The following WIPF1 variants were observed in gnomAD, a reference collection of about 807,000 sequenced individuals.
The protein encoded by WIPF1 is WAS/WASL interacting protein family member 1.
WIPF1 carries 13 observed loss-of-function variants against 35.4 expected under a neutral mutation model. That is an observed-to-expected ratio of 0.37 (90% CI 0.24 to 0.58). The LOEUF is 0.58. WIPF1 is among the 20% of genes least tolerant of loss of function. WIPF1 has a pLI of 0.74. For missense variants in WIPF1, 591 were observed against 667.0 expected, an observed-to-expected ratio of 0.89 and a Z score of 1.25; for synonymous variants, 267 against 266.3, an observed-to-expected ratio of 1.00 and a Z score of -0.02.
intron 1 of WIPF1, among the ~76,000 whole-genome samples, chr2:174,587,258 C>T (rs1685454781): frequency 6.6e-6 from 1 of 152,160 alleles, no homozygotes; most frequent in Admixed American, 6.6e-5. Context: ...CTCATGCGAT[C>T]CTCCTGCCTT....
chr2:174,579,050 G>A (rs571384881), intron 3 of WIPF1, among the ~76,000 whole-genome samples: 38 of 152,072 alleles, frequency 2.5e-4, no homozygotes, highest in African/African-American at 8.0e-4. Context: ...GGAGTTTCAC[G>A]CTTGTTGCCC....
chr2:174,634,642 C>A (rs139410697), intron 1 of WIPF1: 1 of 152,234 alleles, frequency 6.6e-6, no homozygotes, highest in Non-Finnish European at 1.5e-5. Context: ...TGACTCGCCT[C>A]CCTAACCGGT....
intron 1 of WIPF1, among the ~76,000 whole-genome samples, chr2:174,588,816 G>A (rs908021239): frequency 1.3e-5 from 2 of 152,168 alleles, no homozygotes; most frequent in African/African-American, 4.8e-5. Context: ...GTGGGGAGAG[G>A]GTCTACGGGT....
chr2:174,646,663 C>T (rs537481531), intron 1 of WIPF1, among the ~76,000 whole-genome samples: 8 of 152,276 alleles, frequency 5.3e-5, no homozygotes, highest in African/African-American at 1.7e-4. Context: ...CTCATTCTGT[C>T]GCCCAGGCTG....
intron 1 of WIPF1, among the ~76,000 whole-genome samples, chr2:174,655,168 AC>A (rs141429725): frequency 0.025 from 3,752 of 150,538 alleles, 145 homozygotes; most frequent in African/African-American, 0.082. Flanking sequence ...CCTCGTATTC[AC>A]CCCCATAATC....
chr2:174,565,623 T>C (rs994396844), intron 7 of WIPF1, among the ~76,000 whole-genome samples: 3 of 152,190 alleles, frequency 2.0e-5, no homozygotes, highest in Admixed American at 6.5e-5. Context: ...TAATCTCCTA[T>C]AAGGTTTGGA....
At chr2:174,597,543 A>G (rs1351008759) in intron 1 of WIPF1, 58 bp downstream of exon 1, 3 of 152,544 alleles carry the variant, frequency 2.0e-5, no homozygotes, top group Non-Finnish European at 4.4e-5. Flanking sequence ...AAAGCCATTT[A>G]GTTCTTCCCT....
rs995343125 is a variant in WIPF1, at chr2:174,560,605, C to T, written c.*1942G>A. 2.6e-5 allele frequency: 4 copies of T among 152,620 alleles called. No homozygotes were observed. Among genetic ancestry groups the T allele is most frequent in the Non-Finnish European group, 4.4e-5 (3 of 67,996 alleles). The allele number at this position is 152,620 out of a possible 1,614,324, so 9.5% of individuals were successfully genotyped here. On this transcript the variant is annotated 3_prime_UTR_variant, in exon 8 of 8. Transcript: ENST00000679041. The stretch of plus-strand genomic sequence containing the variant: ...TTTTTTTAAAAAGCCAACACTTTGC[C>T]AAGCTTGTTATACCTTATTATTTCT...
rs535614397 is a variant in WIPF1 at position 174,675,335 on chromosome 2, C to T, written c.-39+7439G>A. ...TTTTGTAATCTGAATAAATTTACAA[C>T]TACAATGTAATTTTTATTTTTATCT... On this transcript the variant is annotated intron_variant, in intron 1 of 8. Transcript: ENST00000272746. Among the ~76,000 whole-genome samples the T allele has an allele frequency of 2.0e-5, 3 of 152,106 alleles. No individual in the cohort carries two copies. In the South Asian group the frequency reaches 6.2e-4, roughly 32 times the overall value.
At chr2:174,595,109 A>AAAAAATATAT (rs1553529785) in intron 1 of WIPF1, among the ~76,000 whole-genome samples, 12 of 57,748 alleles carry the variant, frequency 2.1e-4, no homozygotes, top group Admixed American at 5.6e-4. Context: ...AAAAAAAAAA[A>AAAAAATATAT]ATATATATAT....
intron 1 of WIPF1, among the ~76,000 whole-genome samples, chr2:174,641,908 T>A (rs1199093654): frequency 6.6e-6 from 1 of 152,214 alleles, no homozygotes; most frequent in African/African-American, 2.4e-5. Context: ...GTAATTAAGA[T>A]TTACGTGGTT....
intron 3 of WIPF1, among the ~76,000 whole-genome samples, chr2:174,580,117 A>G (rs1685187611): frequency 6.6e-6 from 1 of 151,892 alleles, no homozygotes; most frequent in Non-Finnish European, 1.5e-5. Context: ...CACCTGGCTA[A>G]TTTTTGTATT....
At chr2:174,667,064 T>C (rs1419385414) in intron 1 of WIPF1, among the ~76,000 whole-genome samples, 2 of 152,218 alleles carry the variant, frequency 1.3e-5, no homozygotes, top group Non-Finnish European at 1.5e-5. Flanking sequence ...GCAGTTGGTT[T>C]TGTTTTAGCT....
intron 1 of WIPF1, among the ~76,000 whole-genome samples, chr2:174,645,617 G>T (rs899366612): frequency 2.6e-5 from 4 of 152,204 alleles, no homozygotes; most frequent in Non-Finnish European, 5.9e-5. Flanking sequence ...ACAGCTAAAG[G>T]AAGTTGAAAG....
At position 174,590,576 on chromosome 2, in the gene WIPF1, G is replaced by A. The variant is rs4972699; in HGVS notation, c.-38-4965C>T. Among the ~76,000 whole-genome samples, 1 of 152,108 alleles carries A rather than the reference G, an allele frequency of 6.6e-6. No homozygotes were observed. Among genetic ancestry groups the A allele is most frequent in the Admixed American group, 6.5e-5 (1 of 15,276 alleles). ...CAGCTGATTCGGGTGCAGGAGAGAC[G>A]CAAGAAGGGAAGGGACTCAGCAGCA... On this transcript the variant is annotated intron_variant, in intron 1 of 7. Coordinates refer to ENST00000679041, the MANE Select transcript of WIPF1 (RefSeq NM_001375834.1). The surrounding 1 kb of genome is among the most constrained non-coding windows in gnomAD (Gnocchi z 4.6).
Position 174,644,154 on chromosome 2 carries a change from G to A in WIPF1, c.-39+38620C>T, listed in dbSNP as rs145641044. 5.7e-3 allele frequency among the ~76,000 whole-genome samples: 870 copies of A among 151,978 alleles called. 6 individuals carry two copies. Among genetic ancestry groups the A allele is most frequent in the African/African-American group, 0.02 (827 of 41,406 alleles). ...ACTGATCATGCTCTTAATTAGTATA[G>A]TACCCTCCACCCCAGCTGTGTATGT... is the stretch of plus-strand genomic sequence containing the variant. On this transcript the variant is annotated intron_variant, in intron 1 of 8. Transcript: ENST00000272746.
intron 5 of WIPF1, chr2:174,568,884 G>A (rs779267573): frequency 2.6e-5 from 4 of 152,106 alleles, no homozygotes; most frequent in Non-Finnish European, 4.4e-5. Flanking sequence ...TTAAAAAAAT[G>A]TAGCAGTATG....
chr2:174,664,661 A>G (rs959760202), intron 1 of WIPF1, among the ~76,000 whole-genome samples: 2 of 152,342 alleles, frequency 1.3e-5, no homozygotes, highest in Non-Finnish European at 2.9e-5. Flanking sequence ...AGCCAGGGCA[A>G]GCTGTCCCAG....
At chr2:174,603,519 C>T (rs1686068412) in intron 1 of WIPF1, among the ~76,000 whole-genome samples, 1 of 152,206 alleles carries the variant, frequency 6.6e-6, no homozygotes, top group African/African-American at 2.4e-5. Flanking sequence ...ACTCCTCGGT[C>T]TGAGACAGGA....
Sources: gnomAD v4.1 joint callset for allele counts (sites outside exome capture counted in the v4.1 genomes callset) on GRCh38, gnomAD v4.1.1 for gene constraint, Gnocchi (gnomAD v3.1) non-coding constraint, MANE v1.5 for transcripts, NCBI Gene and HGNC (gene_info 2026-07-23, HGNC 2026-07-21) for gene names.